ACACA: variants seen among roughly 807,000 people sequenced by gnomAD.
ACACA encodes the protein acetyl-CoA carboxylase 1.
A neutral mutation model predicts 296.1 loss-of-function variants in ACACA; 103 were observed. The observed-to-expected ratio is 0.35, with a 90% CI of 0.30 to 0.41. The LOEUF (loss-of-function observed/expected upper bound fraction) is 0.41, where lower values mean the gene tolerates loss of function less well. ACACA is among the 10% of genes least tolerant of loss of function. The pLI is 1.00. For synonymous variants in ACACA, 953 were observed against 1,038.6 expected (o/e 0.92, Z 1.58); for missense variants, 1,554 against 2,989.7 (o/e 0.52, Z 11.20).
chr17:37,141,162 A>C (rs1194800362), intron 45 of ACACA: 2 of 522,976 alleles, frequency 3.8e-6, no homozygotes, highest in Non-Finnish European at 7.4e-6. Flanking sequence ...TAATCTTCAA[A>C]ACCTCATCCT....
rs1454626976 is a variant in ACACA, at chr17:37,270,987, TCTTCAA to T, written c.1009-132_1009-127del. On this transcript the variant is annotated intron_variant, in intron 9 of 55. Transcript: ENST00000616317. ...TTCTAAATACAATAAAATAGAAAGA[TCTTCAA>T]GATACACTATGAAAAAATAAATAGT... is the stretch of plus-strand genomic sequence containing the variant. 8.2e-6 allele frequency: 6 copies of T among 729,022 alleles called. No homozygotes were observed. In the African/African-American group the frequency reaches 1.1e-4, roughly 13 times the overall value. The allele number at this position is 729,022 out of a possible 1,614,324, so 45.2% of individuals were successfully genotyped here.
At chr17:37,340,749 G>A (rs905920144) in intron 1 of ACACA, among the ~76,000 whole-genome samples, 1 of 152,180 alleles carries the variant, frequency 6.6e-6, no homozygotes, top group African/African-American at 2.4e-5. Context: ...AAAAAGTTTG[G>A]ATCATGTAAC....
At chr17:37,101,005 G>A (rs2073329905) in intron 52 of ACACA, among the ~76,000 whole-genome samples, 2 of 151,436 alleles carry the variant, frequency 1.3e-5, no homozygotes, top group South Asian at 2.1e-4. Context: ...GCTGAGGCGT[G>A]AGAATTGCTT....
intron 33 of ACACA, among the ~76,000 whole-genome samples, chr17:37,202,660 TTTTCTTTC>T (rs1274563503): frequency 2.3e-4 from 32 of 137,916 alleles, no homozygotes; most frequent in Non-Finnish European, 3.2e-5. Context: ...TTTTCTTTCC[TTTTCTTTC>T]ATATATATAT....
intron 52 of ACACA, among the ~76,000 whole-genome samples, chr17:37,099,575 G>T (rs961031350): frequency 0.073 from 6,294 of 85,866 alleles, 14 homozygotes; most frequent in African/African-American, 0.18. Flanking sequence ...GGCTGATGGC[G>T]GGAGGGCTGA....
intron 11 of ACACA, among the ~76,000 whole-genome samples, chr17:37,259,880 ATTTT>A (rs1328076559): frequency 1.5e-5 from 2 of 137,806 alleles, no homozygotes; most frequent in Admixed American, 7.3e-5. Context: ...TAGAGACTAG[ATTTT>A]TTTTTTTTTT....
At chr17:37,177,678 A>C (rs1384008663) in intron 41 of ACACA, among the ~76,000 whole-genome samples, 1 of 152,226 alleles carries the variant, frequency 6.6e-6, no homozygotes, top group Non-Finnish European at 1.5e-5. Context: ...GTCTAGCACA[A>C]TGAAGCTTTT....
intron 41 of ACACA, among the ~76,000 whole-genome samples, chr17:37,171,571 G>A (rs956857017): frequency 6.6e-6 from 1 of 152,072 alleles, no homozygotes; most frequent in Non-Finnish European, 1.5e-5. Context: ...TTTTCCAAAT[G>A]GCACAAATTA....
intron 50 of ACACA, among the ~76,000 whole-genome samples, chr17:37,117,131 A>G (rs2074295459): frequency 6.6e-6 from 1 of 152,240 alleles, no homozygotes; most frequent in South Asian, 2.1e-4. Flanking sequence ...CATGTGTATC[A>G]AACAAGGGAA....
Position 37,259,411 on chromosome 17 carries a change from G to A in ACACA, c.1449C>T (p.His483=). 6.2e-7 allele frequency: 1 copy of A among 1,614,156 alleles called. No individual in the cohort carries two copies. Among genetic ancestry groups the A allele is most frequent in the South Asian group, 1.1e-5 (1 of 91,072 alleles). The change falls in exon 12 of 56, where the codon CAC becomes CAT. Residue 483 remains histidine, a synonymous_variant. Transcript: ENST00000616317. The part of the protein sequence containing the change: ...LELNPRLQVE[H]PCTEMVADVN... ...CATCAGCCACCATCTCTGTACAAGG[G>A]TGCTCTACCTGCAGCCGAGGATTCA...
intron 52 of ACACA, among the ~76,000 whole-genome samples, chr17:37,105,801 T>C (rs1464517429): frequency 6.7e-6 from 1 of 149,712 alleles, no homozygotes; most frequent in Non-Finnish European, 1.5e-5. Flanking sequence ...GAGGCAGAGG[T>C]TGCAGTGAGC....
chr17:37,157,185 A>G (rs983600259), intron 42 of ACACA, among the ~76,000 whole-genome samples: 2 of 152,268 alleles, frequency 1.3e-5, no homozygotes, highest in African/African-American at 4.8e-5. Flanking sequence ...CTCATTGAAA[A>G]GTGTCATTTG....
At chr17:37,148,842 C>G (rs1165479645) in intron 45 of ACACA, among the ~76,000 whole-genome samples, 1 of 152,048 alleles carries the variant, frequency 6.6e-6, no homozygotes, top group Non-Finnish European at 1.5e-5. Context: ...AGCTGGGAAT[C>G]TAGGCATGCC....
At chr17:37,285,978 G>A (rs1325277050) in intron 3 of ACACA, among the ~76,000 whole-genome samples, 2 of 152,024 alleles carry the variant, frequency 1.3e-5, no homozygotes, top group Non-Finnish European at 2.9e-5. Context: ...TACAACCTTC[G>A]ACTCCCAGGT....
At position 37,113,213 on chromosome 17, in the gene ACACA, C is replaced by A. The variant is rs1240336563; in HGVS notation, c.6327G>T (p.Arg2109Ser). The A allele has an allele frequency of 6.2e-7, 1 of 1,614,186 alleles. No individual in the cohort carries two copies. The highest frequency in any genetic ancestry group is 8.5e-7 in the Non-Finnish European group (1 of 1,180,032). Residue 2109 changes from arginine (R) to serine (S), a missense_variant, in exon 51 of 56, where the codon AGG (arginine) becomes AGT (serine). By Grantham distance (110) the Arg-to-Ser change is moderately radical. Transcript: ENST00000616317. The surrounding 1 kb of genome is among the most constrained non-coding windows in gnomAD (Gnocchi z 4.0). ...AAACCAGCACAGGCTGGCAGCACTC[C>A]CTCAAGCCATCCACAATGTAAGCAC... Reference protein sequence around the residue: ...KFGAYIVDGLRECCQPVLVYI... With the variant: ...KFGAYIVDGLSECCQPVLVYI...
At chr17:37,161,645 C>A in intron 42 of ACACA, 136 bp downstream of exon 42, 1 of 1,069,738 alleles carries the variant, frequency 9.3e-7, no homozygotes, top group Non-Finnish European at 1.3e-6. Flanking sequence ...GGAATTTTCA[C>A]AAATAATTTT....
At chr17:37,335,191 G>C (rs2048059012) in intron 2 of ACACA, among the ~76,000 whole-genome samples, 2 of 152,066 alleles carry the variant, frequency 1.3e-5, no homozygotes, top group South Asian at 4.2e-4. Context: ...CACCCTGACT[G>C]GGCTCCATGA....
chr17:37,322,545 G>A (rs1214002731), intron 3 of ACACA, among the ~76,000 whole-genome samples: 1 of 152,108 alleles, frequency 6.6e-6, no homozygotes, highest in East Asian at 1.9e-4. Context: ...GTGAGAACAG[G>A]CATGCCTGTT....
At chr17:37,401,859 C>T (rs548225326) in intron 1 of ACACA, among the ~76,000 whole-genome samples, 68 of 152,256 alleles carry the variant, frequency 4.5e-4, no homozygotes, top group South Asian at 1.0e-3. Context: ...CGCACCAGGC[C>T]AGAAACTCTA....
Sources: gnomAD v4.1 joint callset for allele counts (sites outside exome capture counted in the v4.1 genomes callset) on GRCh38, gnomAD v4.1.1 for gene constraint, Gnocchi (gnomAD v3.1) non-coding constraint, MANE v1.5 for transcripts, NCBI Gene and HGNC (gene_info 2026-07-23, HGNC 2026-07-21) for gene names.